Variants in HS3ST4 observed in about 807,000 individuals in gnomAD.
HS3ST4 encodes heparan sulfate glucosamine 3-O-sulfotransferase 4.
HS3ST4 carries 17 observed loss-of-function variants against 29.2 expected under a neutral mutation model. The ratio of observed to expected loss-of-function variants is 0.58; its 90% confidence interval spans 0.40 to 0.87. The LOEUF is 0.87. Among genes scored for constraint, HS3ST4 ranks in the 40% least tolerant of loss-of-function variants. HS3ST4 has a pLI of 0.00. For synonymous variants in HS3ST4, 314 were observed against 285.7 expected (o/e 1.10, Z -1.00); for missense variants, 627 against 634.5 (o/e 0.99, Z 0.13).
At chr16:25,781,636 A>T (rs1016565309) in intron 1 of HS3ST4, among the ~76,000 whole-genome samples, 1 of 152,130 alleles carries the variant, frequency 6.6e-6, no homozygotes, top group African/African-American at 2.4e-5. Context: ...ACAACCTGAG[A>T]CCTTGAATAT....
At chr16:26,074,448 G>A in intron 1 of HS3ST4, among the ~76,000 whole-genome samples, 1 of 152,194 alleles carries the variant, frequency 6.6e-6, no homozygotes, top group East Asian at 1.9e-4. Context: ...ATAAAGAGAT[G>A]TGAAGGGCCA....
chr16:25,856,612 C>T (rs1427814434), intron 1 of HS3ST4, among the ~76,000 whole-genome samples: 6 of 152,102 alleles, frequency 3.9e-5, no homozygotes, highest in African/African-American at 1.4e-4. Flanking sequence ...TTGGGCCATA[C>T]ATAAAATACA....
intron 1 of HS3ST4, among the ~76,000 whole-genome samples, chr16:25,835,010 A>C (rs1424334596): frequency 1.3e-5 from 2 of 152,206 alleles, no homozygotes; most frequent in Admixed American, 6.5e-5. Context: ...AAAGAAAAAA[A>C]CCCAAAAGAA....
chr16:25,934,871 G>T (rs12933030), intron 1 of HS3ST4, among the ~76,000 whole-genome samples: 75 of 151,990 alleles, frequency 4.9e-4, no homozygotes, highest in South Asian at 3.9e-3. Flanking sequence ...CCCTGCCCCC[G>T]CAACCACGCA....
intron 1 of HS3ST4, among the ~76,000 whole-genome samples, chr16:25,828,294 T>TTCCC (rs749295777): frequency 3.9e-3 from 176 of 44,924 alleles, no homozygotes; most frequent in Non-Finnish European, 4.8e-3. Context: ...CTTTCTTTCT[T>TTCCC]TCTTTCCCTC....
At chr16:25,796,881 G>A (rs1371270253) in intron 1 of HS3ST4, among the ~76,000 whole-genome samples, 7 of 152,294 alleles carry the variant, frequency 4.6e-5, no homozygotes, top group Admixed American at 2.6e-4. Flanking sequence ...GGGAACTTCC[G>A]GGCGTTGCGG....
At chr16:25,911,383 T>C (rs537130054) in intron 1 of HS3ST4, among the ~76,000 whole-genome samples, 5 of 151,976 alleles carry the variant, frequency 3.3e-5, no homozygotes, top group African/African-American at 1.2e-4. Flanking sequence ...GTTTTCAGCA[T>C]AGAGGCCAAG....
At chr16:25,743,562 G>C (rs1335434922) in intron 1 of HS3ST4, among the ~76,000 whole-genome samples, 1 of 152,126 alleles carries the variant, frequency 6.6e-6, no homozygotes, top group East Asian at 1.9e-4. Context: ...CTGGAGTGCA[G>C]TGGTACGATA....
In HS3ST4 at chr16:26,025,935, C is replaced by T. The variant is rs141947415; in HGVS notation, c.735-109677C>T. On this transcript the variant is annotated intron_variant, in intron 1 of 1. Transcript: ENST00000331351. Reference sequence around the variant, plus strand: ...GGACTACATGCACGTGCCACCATGCCCAGCTAATTTTTGTATTTTTAGTAG... The same window carrying T: ...GGACTACATGCACGTGCCACCATGCTCAGCTAATTTTTGTATTTTTAGTAG... 4.4e-3 allele frequency among the ~76,000 whole-genome samples: 668 copies of T among 152,166 alleles called. 16 individuals are homozygous for T. The highest frequency in any genetic ancestry group is 0.04 in the East Asian group (206 of 5,168).
Position 25,920,786 on chromosome 16 carries a change from T to C in HS3ST4, c.735-214826T>C, listed in dbSNP as rs541283304. On this transcript the variant is annotated intron_variant, in intron 1 of 1. Coordinates refer to ENST00000331351, the MANE Select transcript of HS3ST4 (RefSeq NM_006040.3). Reference sequence around the variant, plus strand: ...CTGGCTGATTTTTGTGTTCTATTTTTTTTGGTGCAGACAGGGTGACAGGGT... The same window carrying C: ...CTGGCTGATTTTTGTGTTCTATTTTCTTTGGTGCAGACAGGGTGACAGGGT... 2.2e-3 allele frequency among the ~76,000 whole-genome samples: 331 copies of C among 151,872 alleles called. 1 individual carries two copies. The highest frequency in any genetic ancestry group is 7.6e-3 in the African/African-American group (315 of 41,324).
At chr16:25,819,469 C>T (rs1007934488) in intron 1 of HS3ST4, among the ~76,000 whole-genome samples, 1 of 152,116 alleles carries the variant, frequency 6.6e-6, no homozygotes. Flanking sequence ...AGTCTTAAGC[C>T]CCTTCCTTCC....
At chr16:25,756,218 A>T (rs1263592773) in intron 1 of HS3ST4, among the ~76,000 whole-genome samples, 2 of 152,024 alleles carry the variant, frequency 1.3e-5, no homozygotes, top group African/African-American at 4.8e-5. Context: ...GCCCTCAAAC[A>T]CATGTGAGTC....
chr16:25,703,412 C>T (rs574316758), intron 1 of HS3ST4, among the ~76,000 whole-genome samples: 1 of 152,254 alleles, frequency 6.6e-6, no homozygotes, highest in South Asian at 2.1e-4. Flanking sequence ...TTCACTGGCA[C>T]CTCGTGAGAT....
At chr16:26,038,586 C>T (rs1360670077) in intron 1 of HS3ST4, among the ~76,000 whole-genome samples, 2 of 152,060 alleles carry the variant, frequency 1.3e-5, no homozygotes, top group Non-Finnish European at 2.9e-5. Flanking sequence ...AGCCTCTGCT[C>T]ATGGGCCCTC....
intron 1 of HS3ST4, among the ~76,000 whole-genome samples, chr16:25,946,171 A>G (rs1332998879): frequency 2.0e-5 from 3 of 152,210 alleles, no homozygotes; most frequent in African/African-American, 7.2e-5. Flanking sequence ...AGAGTTTGCA[A>G]CATCCAGATG....
chr16:26,062,542 G>A (rs1027583391), intron 1 of HS3ST4, among the ~76,000 whole-genome samples: 2 of 151,792 alleles, frequency 1.3e-5, no homozygotes, highest in Admixed American at 6.6e-5. Flanking sequence ...CCCGATGCCT[G>A]CATCCTTGCC....
At chr16:26,031,267 C>T (rs1969528184) in intron 1 of HS3ST4, among the ~76,000 whole-genome samples, 1 of 152,048 alleles carries the variant, frequency 6.6e-6, no homozygotes, top group African/African-American at 2.4e-5. Context: ...CCGCCACTCC[C>T]CGCCCCGGGA....
intron 1 of HS3ST4, among the ~76,000 whole-genome samples, chr16:25,978,131 A>T (rs141220205): frequency 4.6e-5 from 7 of 152,340 alleles, no homozygotes; most frequent in African/African-American, 1.7e-4. Flanking sequence ...AATGGGTACT[A>T]AGCCTGGTAG....
At chr16:26,078,369 C>T (rs945860260) in intron 1 of HS3ST4, among the ~76,000 whole-genome samples, 5 of 152,142 alleles carry the variant, frequency 3.3e-5, no homozygotes, top group Non-Finnish European at 4.4e-5. Context: ...AGGATGGTCT[C>T]GATCTCCTGA....
Sources: gnomAD v4.1 joint callset for allele counts (sites outside exome capture counted in the v4.1 genomes callset) on GRCh38, gnomAD v4.1.1 for gene constraint, MANE v1.5 for transcripts, NCBI Gene and HGNC (gene_info 2026-07-23, HGNC 2026-07-21) for gene names.